ITGA8: variants seen among roughly 807,000 people sequenced by gnomAD.
ITGA8 encodes the protein integrin alpha-8.
A neutral mutation model predicts 142.3 loss-of-function variants in ITGA8; 91 were observed. That is an observed-to-expected ratio of 0.64 (90% CI 0.54 to 0.76). The LOEUF is 0.76. Among genes scored for constraint, ITGA8 ranks in the 30% least tolerant of loss-of-function variants. The pLI is 0.00. For synonymous variants in ITGA8, 505 were observed against 485.2 expected, an observed-to-expected ratio of 1.04 and a Z score of -0.54; for missense variants, 1,406 against 1,327.7, an observed-to-expected ratio of 1.06 and a Z score of -0.92.
At chr10:15,646,178 G>C (rs1440821587) in intron 12 of ITGA8, among the ~76,000 whole-genome samples, 1 of 152,138 alleles carries the variant, frequency 6.6e-6, no homozygotes, top group Non-Finnish European at 1.5e-5. Flanking sequence ...AAAATTGCTT[G>C]GACGTCAGAG....
At chr10:15,554,047 G>C (rs562701427) in intron 26 of ITGA8, among the ~76,000 whole-genome samples, 1 of 152,066 alleles carries the variant, frequency 6.6e-6, no homozygotes, top group Non-Finnish European at 1.5e-5. Flanking sequence ...GGATTTTCAG[G>C]AATATGATTA....
chr10:15,643,380 G>A (rs928008577), intron 13 of ITGA8, among the ~76,000 whole-genome samples: 1 of 152,124 alleles, frequency 6.6e-6, no homozygotes, highest in African/African-American at 2.4e-5. Flanking sequence ...CCCGGGTTCA[G>A]GTGATTCTTG....
chr10:15,545,651 T>C (rs1363737984), intron 27 of ITGA8, among the ~76,000 whole-genome samples: 1 of 151,054 alleles, frequency 6.6e-6, no homozygotes, highest in Non-Finnish European at 1.5e-5. Flanking sequence ...TGTTTTCCTT[T>C]AAAGTTTTAC....
chr10:15,655,096 TATAAAA>T (rs1834158130), intron 11 of ITGA8, among the ~76,000 whole-genome samples: 1 of 2,394 alleles, frequency 4.2e-4, no homozygotes. Flanking sequence ...GGCTGAAGAC[TATAAAA>T]TTAAAAATAA....
intron 26 of ITGA8, among the ~76,000 whole-genome samples, chr10:15,556,612 A>G (rs1833893862): frequency 6.6e-6 from 1 of 152,174 alleles, no homozygotes; most frequent in African/African-American, 2.4e-5. Flanking sequence ...TATAGGGTCT[A>G]TGAGATATTT....
intron 15 of ITGA8, among the ~76,000 whole-genome samples, chr10:15,610,289 A>G (rs1833268859): frequency 6.6e-6 from 1 of 152,210 alleles, no homozygotes; most frequent in Admixed American, 6.5e-5. Context: ...TGCTGAATTT[A>G]GGAAAACATA....
chr10:15,547,314 G>A (rs1833692888), intron 27 of ITGA8, among the ~76,000 whole-genome samples: 1 of 152,174 alleles, frequency 6.6e-6, no homozygotes, highest in African/African-American at 2.4e-5. Flanking sequence ...GCTCATGCTT[G>A]TAATCCCAGC....
chr10:15,580,511 C>T (rs1564360559), intron 23 of ITGA8, among the ~76,000 whole-genome samples: 2 of 152,004 alleles, frequency 1.3e-5, no homozygotes, highest in African/African-American at 2.4e-5. Flanking sequence ...TTCTTACGAA[C>T]GTAGATGTAA....
chr10:15,665,518 T>G (rs151294360), intron 8 of ITGA8, among the ~76,000 whole-genome samples: 14,907 of 152,140 alleles, frequency 0.098, 926 homozygotes, highest in East Asian at 0.3. Flanking sequence ...CTCTTCAGTT[T>G]AATTAGATCC....
At chr10:15,614,447 T>C (rs1333642787) in intron 14 of ITGA8, among the ~76,000 whole-genome samples, 1 of 152,084 alleles carries the variant, frequency 6.6e-6, no homozygotes, top group Non-Finnish European at 1.5e-5. Flanking sequence ...GGGGTAAGGA[T>C]CAGACATTGG....
At chr10:15,587,471 A>C (rs919442412) in intron 22 of ITGA8, among the ~76,000 whole-genome samples, 1 of 152,236 alleles carries the variant, frequency 6.6e-6, no homozygotes, top group African/African-American at 2.4e-5. Context: ...CATACCATGC[A>C]CTGGCTTGGC....
intron 11 of ITGA8, among the ~76,000 whole-genome samples, chr10:15,652,153 A>G (rs1167440670): frequency 6.6e-6 from 1 of 152,262 alleles, no homozygotes; most frequent in Non-Finnish European, 1.5e-5. Context: ...CAGGAAGCCA[A>G]TGAGGTCCTT....
intron 12 of ITGA8, among the ~76,000 whole-genome samples, chr10:15,645,803 GA>G (rs1375507982): frequency 2.6e-5 from 4 of 152,120 alleles, no homozygotes; most frequent in Non-Finnish European, 4.4e-5. Flanking sequence ...TTCAGGTCCT[GA>G]AAATGTATGC....
At chr10:15,533,125 A>G (rs371350030) in intron 27 of ITGA8, among the ~76,000 whole-genome samples, 8 of 152,356 alleles carry the variant, frequency 5.3e-5, no homozygotes, top group East Asian at 1.9e-4. Context: ...CATGAGTCCA[A>G]TAATTTTCCT....
intron 20 of ITGA8, among the ~76,000 whole-genome samples, chr10:15,601,381 GAC>G (rs1833101772): frequency 6.6e-6 from 1 of 152,130 alleles, no homozygotes; most frequent in African/African-American, 2.4e-5. Context: ...CGTTCACAGA[GAC>G]AGAAAGTAGA....
chr10:15,636,803 G>A (rs577815188), intron 13 of ITGA8, among the ~76,000 whole-genome samples: 2 of 152,306 alleles, frequency 1.3e-5, no homozygotes, highest in Admixed American at 6.5e-5. Flanking sequence ...AAGGGGCAGC[G>A]AGGGAGCAGC....
intron 11 of ITGA8, among the ~76,000 whole-genome samples, chr10:15,652,363 A>G (rs775127139): frequency 1.4e-4 from 21 of 152,044 alleles, no homozygotes; most frequent in African/African-American, 4.8e-4. Context: ...GAATCCGTGC[A>G]GCAGGGGAAG....
intron 2 of ITGA8, among the ~76,000 whole-genome samples, chr10:15,697,311 A>C (rs897134186): frequency 6.6e-6 from 1 of 152,196 alleles, no homozygotes; most frequent in African/African-American, 2.4e-5. Context: ...CATGAAACAC[A>C]GGTATTCTCA....
At chr10:15,591,808 A>T (rs1020165816) in intron 22 of ITGA8, among the ~76,000 whole-genome samples, 4 of 152,192 alleles carry the variant, frequency 2.6e-5, no homozygotes, top group African/African-American at 9.7e-5. Flanking sequence ...AGATTCATTC[A>T]TTCTTGAAAA....
Sources: gnomAD v4.1 joint callset for allele counts (sites outside exome capture counted in the v4.1 genomes callset) on GRCh38, gnomAD v4.1.1 for gene constraint, MANE v1.5 for transcripts, NCBI Gene and HGNC (gene_info 2026-07-23, HGNC 2026-07-21) for gene names.